PDE1C: variants seen among roughly 807,000 people sequenced by gnomAD.
PDE1C encodes dual specificity calcium/calmodulin-dependent 3',5'-cyclic nucleotide phosphodiesterase 1C.
In PDE1C, 62 loss-of-function variants were observed where a neutral mutation model predicts 93.1. The observed-to-expected ratio is 0.67, with a 90% confidence interval of 0.54 to 0.82. PDE1C has a LOEUF of 0.82. Ranked by LOEUF, PDE1C falls within the 40% of genes least tolerant of loss-of-function variation. The pLI, the probability that PDE1C is intolerant of heterozygous loss-of-function variation, is 0.00. For synonymous variants in PDE1C, 325 were observed against 310.1 expected (o/e 1.05, Z -0.50); for missense variants, 742 against 884.6 (o/e 0.84, Z 2.04).
intron 2 of PDE1C, 72 bp downstream of exon 2, chr7:32,051,482 C>T: frequency 4.2e-6 from 6 of 1,424,704 alleles, no homozygotes; most frequent in Non-Finnish European, 6.0e-6. Context: ...TTCCAGTCCA[C>T]CATGAGCCAG....
At chr7:31,764,531 A>G (rs1025654349) in intron 17 of PDE1C, among the ~76,000 whole-genome samples, 2 of 152,192 alleles carry the variant, frequency 1.3e-5, no homozygotes, top group African/African-American at 4.8e-5. Flanking sequence ...TAACCAACCA[A>G]GACGGAAGGA....
the PDE1C span, among the ~76,000 whole-genome samples, chr7:31,737,191 C>T: frequency 1.3e-5 from 2 of 151,800 alleles, no homozygotes; most frequent in South Asian, 4.2e-4. Context: ...GTTGAGCAAG[C>T]TGACCTTGAA....
chr7:32,229,196 C>A (rs1807509537), intron 1 of PDE1C, among the ~76,000 whole-genome samples: 1 of 152,208 alleles, frequency 6.6e-6, no homozygotes, highest in Non-Finnish European at 1.5e-5. Context: ...TTATTTCTAT[C>A]CTCACCACGA....
At chr7:31,777,241 G>C (rs567454785) in intron 16 of PDE1C, among the ~76,000 whole-genome samples, 1 of 152,180 alleles carries the variant, frequency 6.6e-6, no homozygotes, top group African/African-American at 2.4e-5. Context: ...GAGGTGAGTG[G>C]GAGAGCGGTA....
At chr7:31,954,115 C>G (rs1191711457) in intron 2 of PDE1C, among the ~76,000 whole-genome samples, 1 of 152,224 alleles carries the variant, frequency 6.6e-6, no homozygotes, top group African/African-American at 2.4e-5. Flanking sequence ...TTCATGCTCC[C>G]TCTTCCATAG....
At chr7:32,204,015 A>T (rs1805224241) in intron 2 of PDE1C, among the ~76,000 whole-genome samples, 1 of 152,180 alleles carries the variant, frequency 6.6e-6, no homozygotes, top group Non-Finnish European at 1.5e-5. Flanking sequence ...TGCCAGCATC[A>T]GTACTCTTGC....
the PDE1C span, among the ~76,000 whole-genome samples, chr7:31,649,586 C>CT: frequency 6.6e-6 from 1 of 152,176 alleles, no homozygotes; most frequent in African/African-American, 2.4e-5. Flanking sequence ...GAGTAGTCAA[C>CT]TAGCAGCCTC....
chr7:31,635,166 C>T, the PDE1C span, among the ~76,000 whole-genome samples: 1 of 152,174 alleles, frequency 6.6e-6, no homozygotes, highest in Admixed American at 6.5e-5. Context: ...CCATTCTGAG[C>T]TAGGTGATTT....
At chr7:32,285,752 AAG>A (rs1384650028) in intron 1 of PDE1C, among the ~76,000 whole-genome samples, 8 of 135,406 alleles carry the variant, frequency 5.9e-5, no homozygotes, top group African/African-American at 1.4e-4. Context: ...GGGAGAAGAG[AAG>A]AGAGGGGGGA....
chr7:32,015,818 C>A (rs1265024145), intron 2 of PDE1C, among the ~76,000 whole-genome samples: 1 of 152,028 alleles, frequency 6.6e-6, no homozygotes, highest in Non-Finnish European at 1.5e-5. Context: ...ATAGGTAATT[C>A]ACACAAGAAA....
At chr7:31,981,787 C>A (rs11769133) in intron 2 of PDE1C, among the ~76,000 whole-genome samples, 20,617 of 152,188 alleles carry the variant, frequency 0.14, 1,669 homozygotes, top group South Asian at 0.19. Flanking sequence ...AAGTGTTAAT[C>A]TGCCTATATC....
the PDE1C span, among the ~76,000 whole-genome samples, chr7:31,646,080 C>T: frequency 8.6e-5 from 13 of 151,826 alleles, no homozygotes; most frequent in African/African-American, 3.1e-4. Context: ...ATGCACATCC[C>T]GAAAAAAGAT....
chr7:31,653,500 A>G, the PDE1C span: 2 of 152,226 alleles, frequency 1.3e-5, no homozygotes, highest in Non-Finnish European at 2.9e-5. Context: ...TCCTGTACCT[A>G]TTAAGAGAAG....
chr7:31,956,034 G>C (rs1413073381), intron 2 of PDE1C, among the ~76,000 whole-genome samples: 2 of 152,132 alleles, frequency 1.3e-5, no homozygotes, highest in Non-Finnish European at 2.9e-5. Flanking sequence ...CTGAGTCAAA[G>C]GGCGATGGTG....
intron 1 of PDE1C, among the ~76,000 whole-genome samples, chr7:32,384,244 AAAG>A (rs1784586044): frequency 6.6e-6 from 1 of 152,368 alleles, no homozygotes; most frequent in Middle Eastern, 3.4e-3. Flanking sequence ...CAGTCCACAC[AAAG>A]ATTCTAGTCT....
chr7:32,361,391 A>G lies in PDE1C; in HGVS notation c.310+66431T>C, dbSNP rs572384983. ...AGCAGGATTATATGTCATCTTTGCT[A>G]ATTAGAATGCTCTGGTTGGGTAGCT... On this transcript the variant is annotated intron_variant, in intron 1 of 1. Transcript: ENST00000672256. Among the ~76,000 whole-genome samples, 277 of 152,338 alleles carry G rather than the reference A, an allele frequency of 1.8e-3. 1 individual carries two copies. The highest frequency in any genetic ancestry group is 6.2e-3 in the African/African-American group (256 of 41,584).
At chr7:32,344,216 G>A (rs1185586388) in intron 1 of PDE1C, among the ~76,000 whole-genome samples, 1 of 152,100 alleles carries the variant, frequency 6.6e-6, no homozygotes, top group Admixed American at 6.6e-5. Flanking sequence ...TTGGATTACA[G>A]GCATGTGCTA....
At chr7:31,846,229 T>C (rs1385338464) in intron 9 of PDE1C, among the ~76,000 whole-genome samples, 2 of 149,362 alleles carry the variant, frequency 1.3e-5, no homozygotes, top group African/African-American at 2.5e-5. Flanking sequence ...TTTTCTTTTT[T>C]TTTCTTTTTT....
chr7:32,112,049 G>A (rs1798671217), intron 3 of PDE1C, among the ~76,000 whole-genome samples: 1 of 152,076 alleles, frequency 6.6e-6, no homozygotes, highest in Non-Finnish European at 1.5e-5. Context: ...AAACAGATGG[G>A]CCATTAGAAA....
Sources: allele counts gnomAD v4.1 joint callset (sites outside exome capture counted in the v4.1 genomes callset), GRCh38; gene constraint gnomAD v4.1.1; transcripts MANE v1.5; gene names NCBI Gene and HGNC (gene_info 2026-07-23, HGNC 2026-07-21).